The following ATP2B1 variants were observed in gnomAD, a reference collection of about 807,000 sequenced individuals.
ATP2B1 encodes plasma membrane calcium-transporting ATPase 1.
ATP2B1 carries 14 observed loss-of-function variants against 124.2 expected under a neutral mutation model. That is an observed-to-expected ratio of 0.11 (90% CI 0.07 to 0.18). ATP2B1 has a LOEUF of 0.18. Ranked by LOEUF, ATP2B1 falls within the 10% of genes least tolerant of loss-of-function variation. The pLI, the probability that ATP2B1 is intolerant of heterozygous loss-of-function variation, is 1.00. For missense variants in ATP2B1, 763 were observed against 1,466.1 expected (o/e 0.52, Z 7.83); for synonymous variants, 449 against 492.4 (o/e 0.91, Z 1.17).
chr12:89,623,806 T>C (rs534050571), intron 9 of ATP2B1, among the ~76,000 whole-genome samples: 1 of 152,360 alleles, frequency 6.6e-6, no homozygotes, highest in South Asian at 2.1e-4. Flanking sequence ...ATGGAAATCA[T>C]AATTTTTAAC....
intron 1 of ATP2B1, among the ~76,000 whole-genome samples, chr12:89,680,352 A>G (rs1207265822): frequency 6.6e-6 from 1 of 152,204 alleles, no homozygotes; most frequent in East Asian, 1.9e-4. Flanking sequence ...CAAAAATTCA[A>G]AAACTAAAAA....
At chr12:89,688,672 C>T (rs2136703746) in intron 1 of ATP2B1, among the ~76,000 whole-genome samples, 1 of 152,142 alleles carries the variant, frequency 6.6e-6, no homozygotes, top group East Asian at 1.9e-4. Context: ...GAAAGCTAAA[C>T]ATTGAACAGT....
In ATP2B1 at chr12:89,598,039, CAAAAAAAAAAAAA is replaced by C. The variant is rs10661138; in HGVS notation, c.3351+1065_3351+1077del. ...CCCCTGAAACCACTGCACAACCAAG[CAAAAAAAAAAAAA>C]AAAAAAAAAAATCAAAGCAAGGCAA... On this transcript the variant is annotated intron_variant, in intron 20 of 20. Coordinates refer to ENST00000428670, the MANE Select transcript of ATP2B1 (RefSeq NM_001366521.1). 5.8e-4 allele frequency among the ~76,000 whole-genome samples: 35 copies of C among 60,548 alleles called. 1 individual carries two copies. In the Admixed American group the frequency reaches 7.7e-3, roughly 13 times the overall value. 39.7% of individuals were successfully genotyped at this position (60,548 alleles called of 152,430 possible).
intron 1 of ATP2B1, among the ~76,000 whole-genome samples, chr12:89,666,935 T>C (rs1244259400): frequency 6.6e-6 from 1 of 152,002 alleles, no homozygotes; most frequent in Non-Finnish European, 1.5e-5. Flanking sequence ...TACATTCTAC[T>C]ACATAAAAGA....
At chr12:89,607,549 A>G (rs1877157350) in intron 15 of ATP2B1, among the ~76,000 whole-genome samples, 1 of 152,190 alleles carries the variant, frequency 6.6e-6, no homozygotes, top group Admixed American at 6.5e-5. Context: ...GGAGTCCCGC[A>G]TTAATCCAAA....
intron 1 of ATP2B1, among the ~76,000 whole-genome samples, chr12:89,679,542 T>C (rs965231803): frequency 6.6e-6 from 1 of 152,096 alleles, no homozygotes; most frequent in Non-Finnish European, 1.5e-5. Flanking sequence ...CACAATATCA[T>C]AAGAAGTACA....
chr12:89,589,504 A>G lies in ATP2B1; in HGVS notation c.*1480T>C, dbSNP rs1873170594. Reference sequence around the variant, plus strand: ...ATTTTACCTAATCTGTTATTTGGCCACTTAAGAATTAAAATAAATGTATCA... The same window carrying G: ...ATTTTACCTAATCTGTTATTTGGCCGCTTAAGAATTAAAATAAATGTATCA... On this transcript the variant is annotated 3_prime_UTR_variant, in exon 21 of 21. Transcript: ENST00000428670. 6.6e-6 allele frequency: 1 copy of G among 152,148 alleles called. No individual in the cohort carries two copies. Among genetic ancestry groups the G allele is most frequent in the African/African-American group, 2.4e-5 (1 of 41,438 alleles). 9.4% of individuals were successfully genotyped at this position (152,148 alleles called of 1,614,324 possible). A position where few individuals can be genotyped will look rare whatever the true frequency, so the allele number is the denominator to read the frequency against.
At chr12:89,619,632 A>G (rs1008255591) in intron 11 of ATP2B1, among the ~76,000 whole-genome samples, 11 of 151,302 alleles carry the variant, frequency 7.3e-5, no homozygotes, top group African/African-American at 1.7e-4. Context: ...AAAAAAAAAA[A>G]AAAGAAAGAA....
At chr12:89,625,928 G>A (rs1880806455) in intron 8 of ATP2B1, among the ~76,000 whole-genome samples, 1 of 152,164 alleles carries the variant, frequency 6.6e-6, no homozygotes, top group Admixed American at 6.5e-5. Context: ...TACCGCTGGA[G>A]GTCATGCTGT....
intron 2 of ATP2B1, among the ~76,000 whole-genome samples, chr12:89,653,534 T>C (rs931662385): frequency 6.6e-6 from 1 of 151,162 alleles, no homozygotes; most frequent in Non-Finnish European, 1.5e-5. Context: ...CCTGACCTCA[T>C]GATCCACCCG....
Position 89,655,953 on chromosome 12 carries a change from C to A in ATP2B1, c.-67G>T. 1 of 1,445,846 alleles carries A rather than the reference C, an allele frequency of 6.9e-7. No homozygotes were observed. Among genetic ancestry groups the A allele is most frequent in the Non-Finnish European group, 9.3e-7 (1 of 1,074,948 alleles). The allele number at this position is 1,445,846 out of a possible 1,614,324, so 89.6% of individuals were successfully genotyped here. A position where few individuals can be genotyped will look rare whatever the true frequency, so the allele number is the denominator to read the frequency against. On this transcript the variant is annotated 5_prime_UTR_variant, in exon 2 of 21. Coordinates refer to ENST00000428670, the MANE Select transcript of ATP2B1 (RefSeq NM_001366521.1). ...ATTTAATTTTCACTTGATGTATTTCCAAGATGAAAATCTTTTAAGTATGAA... is the reference window on the plus strand; with the variant it reads ...ATTTAATTTTCACTTGATGTATTTCAAAGATGAAAATCTTTTAAGTATGAA...
At chr12:89,595,873 T>C (rs1018928685) in intron 20 of ATP2B1, among the ~76,000 whole-genome samples, 11 of 152,064 alleles carry the variant, frequency 7.2e-5, no homozygotes, top group African/African-American at 2.7e-4. Context: ...ATCTCAAACC[T>C]TGATAAAGCA....
chr12:89,669,471 T>C (rs1887688254), intron 1 of ATP2B1, among the ~76,000 whole-genome samples: 1 of 152,172 alleles, frequency 6.6e-6, no homozygotes, highest in Non-Finnish European at 1.5e-5. Flanking sequence ...CCACAGCTTC[T>C]TAGATTTCCT....
chr12:89,592,753 G>A (rs967996783), intron 20 of ATP2B1, among the ~76,000 whole-genome samples: 5 of 152,026 alleles, frequency 3.3e-5, no homozygotes, highest in Non-Finnish European at 5.9e-5. Context: ...GATTAAATTC[G>A]TTAGCACACT....
chr12:89,654,503 C>T (rs1885711278), intron 2 of ATP2B1, among the ~76,000 whole-genome samples: 1 of 152,058 alleles, frequency 6.6e-6, no homozygotes, highest in Non-Finnish European at 1.5e-5. Flanking sequence ...GAATATATTC[C>T]AAATAGTCTA....
At chr12:89,593,247 C>T (rs1873932998) in intron 20 of ATP2B1, 1 of 151,878 alleles carries the variant, frequency 6.6e-6, no homozygotes, top group Admixed American at 6.6e-5. Flanking sequence ...CCTGACTGTC[C>T]TAATAACAAA....
chr12:89,688,999 C>T (rs1890259164), intron 1 of ATP2B1, among the ~76,000 whole-genome samples: 2 of 152,056 alleles, frequency 1.3e-5, no homozygotes, highest in South Asian at 2.1e-4. Flanking sequence ...GATTCATTAT[C>T]AAATTCTCTT....
intron 20 of ATP2B1, among the ~76,000 whole-genome samples, chr12:89,595,462 C>T (rs1874397648): frequency 6.6e-6 from 1 of 151,952 alleles, no homozygotes. Flanking sequence ...GAGTGAAGAT[C>T]TGACTAATAA....
chr12:89,626,445 A>G lies in ATP2B1; in HGVS notation c.1129+9T>C, dbSNP rs1391711121. On this transcript the variant is annotated intron_variant, in intron 8 of 20. Transcript: ENST00000428670. ...AATAAAACACTTTATTTTCTTCTCT[A>G]TATCATACCTGCTTTGCCAATCTGA... 3.1e-6 allele frequency: 5 copies of G among 1,597,806 alleles called. No individual in the cohort carries two copies. The highest frequency in any genetic ancestry group is 1.7e-4 in the Middle Eastern group (1 of 5,964).
Sources: gnomAD v4.1 joint callset for allele counts (sites outside exome capture counted in the v4.1 genomes callset) on GRCh38, gnomAD v4.1.1 for gene constraint, MANE v1.5 for transcripts, NCBI Gene and HGNC (gene_info 2026-07-23, HGNC 2026-07-21) for gene names.